Variants in BTBD9 observed in about 807,000 individuals in gnomAD.
BTBD9 encodes the protein BTB/POZ domain-containing protein 9.
BTBD9 carries 49 observed loss-of-function variants against 64.3 expected under a neutral mutation model. The ratio of observed to expected loss-of-function variants is 0.76; its 90% CI spans 0.61 to 0.97. The LOEUF is 0.97. BTBD9 is among the 50% of genes least tolerant of loss of function. BTBD9 has a pLI of 0.00. For synonymous variants in BTBD9, 260 were observed against 274.7 expected (o/e 0.95, Z 0.53); for missense variants, 598 against 762.1 (o/e 0.78, Z 2.53).
intron 6 of BTBD9, among the ~76,000 whole-genome samples, chr6:38,358,801 GTCGCC>G (rs1764833620): frequency 6.8e-6 from 1 of 147,228 alleles, no homozygotes; most frequent in Non-Finnish European, 1.5e-5. Context: ...GTCTCGCTCT[GTCGCC>G]CAGGCCGGAC....
rs1315070111 is a variant in BTBD9 at position 38,288,252 on chromosome 6, A to G, written c.1454+20T>C. The stretch of plus-strand genomic sequence containing the variant: ...GTATCTTCCATTTTAAAACTTATGA[A>G]TGAGGAGGAATCTTCTTACCGTATT... On this transcript the variant is annotated intron_variant, in intron 8 of 10. Coordinates refer to ENST00000481247, the MANE Select transcript of BTBD9 (RefSeq NM_001099272.2). The G allele has an allele frequency of 1.9e-6, 3 of 1,600,238 alleles. No individual in the cohort carries two copies. In the African/African-American group the frequency reaches 4.0e-5, roughly 21 times the overall value.
At chr6:38,483,960 CTCATT>C (rs1229144897) in intron 6 of BTBD9, among the ~76,000 whole-genome samples, 2 of 152,210 alleles carry the variant, frequency 1.3e-5, no homozygotes, top group Non-Finnish European at 2.9e-5. Context: ...TTCTTTACAT[CTCATT>C]TTTCTCTCTC....
chr6:38,543,090 T>C (rs1774361069), intron 6 of BTBD9, among the ~76,000 whole-genome samples: 1 of 152,224 alleles, frequency 6.6e-6, no homozygotes, highest in Non-Finnish European at 1.5e-5. Context: ...TGACTCACCA[T>C]GTTCTACCTG....
chr6:38,470,005 G>T (rs148283298), intron 6 of BTBD9, among the ~76,000 whole-genome samples: 31 of 152,174 alleles, frequency 2.0e-4, no homozygotes, highest in Non-Finnish European at 4.1e-4. Flanking sequence ...GAAAACAAAA[G>T]ACATCAAAAT....
chr6:38,411,516 A>C (rs1343031442), intron 6 of BTBD9, among the ~76,000 whole-genome samples: 1 of 152,192 alleles, frequency 6.6e-6, no homozygotes, highest in Admixed American at 6.5e-5. Context: ...AATCGGATAC[A>C]TTCTTTCTCA....
intron 9 of BTBD9, among the ~76,000 whole-genome samples, chr6:38,235,004 GT>G (rs1477784844): frequency 1.3e-5 from 2 of 152,158 alleles, no homozygotes; most frequent in African/African-American, 4.8e-5. Context: ...CAATTACACT[GT>G]ACTTCTCCTG....
intron 4 of BTBD9, among the ~76,000 whole-genome samples, chr6:38,585,110 C>A (rs1420324454): frequency 6.6e-6 from 1 of 152,072 alleles, no homozygotes; most frequent in Non-Finnish European, 1.5e-5. Flanking sequence ...CTAGACTCAG[C>A]CCTCCCGAGC....
intron 6 of BTBD9, among the ~76,000 whole-genome samples, chr6:38,515,826 G>A (rs918157466): frequency 6.6e-6 from 1 of 152,170 alleles, no homozygotes; most frequent in Admixed American, 6.5e-5. Flanking sequence ...AAATCATAAA[G>A]TACTACTTGA....
intron 4 of BTBD9, chr6:38,588,023 ACAGAAGCTAAGATACAAGCAGGT>A: frequency 1.4e-6 from 1 of 737,550 alleles, no homozygotes; most frequent in South Asian, 1.4e-5. Context: ...ACCACCATAT[ACAGAAGCTAAGATACAAGCAGGT>A]CAGACTGAAA....
intron 6 of BTBD9, among the ~76,000 whole-genome samples, chr6:38,383,160 T>A (rs1436917922): frequency 6.6e-6 from 1 of 152,154 alleles, no homozygotes; most frequent in Non-Finnish European, 1.5e-5. Context: ...ACATAAATAA[T>A]CATCATGACC....
chr6:38,227,724 A>C (rs939448090), intron 9 of BTBD9, among the ~76,000 whole-genome samples: 1 of 152,234 alleles, frequency 6.6e-6, no homozygotes, highest in African/African-American at 2.4e-5. Context: ...TGAGAGTATA[A>C]TGGAGAAGGG....
rs2127466825 is a variant in BTBD9 at position 38,172,335 on chromosome 6, A to G, written c.*2650T>C. The G allele has an allele frequency of 6.6e-6, 1 of 152,454 alleles. No homozygotes were observed. The highest frequency in any genetic ancestry group is 6.5e-5 in the Admixed American group (1 of 15,312). 9.4% of individuals were successfully genotyped at this position (152,454 alleles called of 1,614,324 possible). ...GGAGAAGTGCTCTGTAGGACCAGCC[A>G]GGCTCTGGGGAACTCCAGGCTGCCC... On this transcript the variant is annotated 3_prime_UTR_variant, in exon 11 of 11. Coordinates refer to ENST00000481247, the MANE Select transcript of BTBD9 (RefSeq NM_001099272.2).
intron 6 of BTBD9, among the ~76,000 whole-genome samples, chr6:38,521,856 G>C (rs1307085876): frequency 6.6e-6 from 1 of 151,996 alleles, no homozygotes; most frequent in African/African-American, 2.4e-5. Flanking sequence ...TGTATTTTTA[G>C]TAGAGACCAG....
intron 9 of BTBD9, among the ~76,000 whole-genome samples, chr6:38,234,481 T>G (rs1481358931): frequency 2.0e-5 from 3 of 152,352 alleles, no homozygotes; most frequent in African/African-American, 7.2e-5. Flanking sequence ...ATTTTATATA[T>G]ACAGCATTCA....
At position 38,440,915 on chromosome 6, in the gene BTBD9, T is replaced by C. The variant is rs576740055; in HGVS notation, c.1155-95822A>G. On this transcript the variant is annotated intron_variant, in intron 6 of 10. Transcript: ENST00000481247. ...TGGCCAAATCTAGAATTTTTTTTGA[T>C]ATTGAGTACTAAGTTAGCAAAGTAA... Among the ~76,000 whole-genome samples, 7 of 152,348 alleles carry C rather than the reference T, an allele frequency of 4.6e-5. No homozygotes were observed. In the South Asian group the frequency reaches 1.2e-3, roughly 27 times the overall value.
chr6:38,267,145 C>T (rs935544263), intron 8 of BTBD9, among the ~76,000 whole-genome samples: 1 of 152,242 alleles, frequency 6.6e-6, no homozygotes, highest in African/African-American at 2.4e-5. Flanking sequence ...AGCTCCCAGG[C>T]ATCAGGTCCA....
chr6:38,427,497 T>C (rs1340765939), intron 6 of BTBD9, among the ~76,000 whole-genome samples: 1 of 151,898 alleles, frequency 6.6e-6, no homozygotes, highest in Non-Finnish European at 1.5e-5. Context: ...AGCAACCATA[T>C]ACTGCATGGG....
intron 6 of BTBD9, among the ~76,000 whole-genome samples, chr6:38,498,457 T>TAA (rs11393821): frequency 0.28 from 36,788 of 132,454 alleles, 5,904 homozygotes; most frequent in East Asian, 0.64. Flanking sequence ...TATCTAGTAC[T>TAA]AAAAAAAAAA....
chr6:38,177,717 T>C (rs1761340463), intron 10 of BTBD9, among the ~76,000 whole-genome samples: 1 of 152,186 alleles, frequency 6.6e-6, no homozygotes, highest in African/African-American at 2.4e-5. Flanking sequence ...TTCTCATTGT[T>C]TCTTCTCATT....
Sources: allele counts gnomAD v4.1 joint callset (sites outside exome capture counted in the v4.1 genomes callset), GRCh38; gene constraint gnomAD v4.1.1; transcripts MANE v1.5; gene names NCBI Gene and HGNC (gene_info 2026-07-23, HGNC 2026-07-21).